The following RSPO3 variants were observed in gnomAD, a reference collection of about 807,000 sequenced individuals.
RSPO3 encodes the protein R-spondin 3.
In RSPO3, 17 loss-of-function variants were observed where a neutral mutation model predicts 36.5. The ratio of observed to expected loss-of-function variants is 0.47; its 90% confidence interval spans 0.32 to 0.70. The LOEUF is 0.70. RSPO3 is among the 30% of genes least tolerant of loss of function. The pLI is 0.04. For synonymous variants in RSPO3, 108 were observed against 107.0 expected (o/e 1.01, Z -0.06); for missense variants, 294 against 322.5 (o/e 0.91, Z 0.68).
At chr6:127,138,745 T>G (rs1774210363) in intron 1 of RSPO3, among the ~76,000 whole-genome samples, 1 of 152,182 alleles carries the variant, frequency 6.6e-6, no homozygotes, top group African/African-American at 2.4e-5. Context: ...GACTGGAAAT[T>G]CATTTACACA....
intron 4 of RSPO3, among the ~76,000 whole-genome samples, chr6:127,175,440 A>G (rs1251488657): frequency 2.0e-5 from 3 of 151,774 alleles, no homozygotes; most frequent in Non-Finnish European, 4.4e-5. Flanking sequence ...GTGGTGGCAT[A>G]TGGTTAATCT....
At chr6:127,147,577 T>C (rs1774413005) in intron 1 of RSPO3, among the ~76,000 whole-genome samples, 1 of 152,116 alleles carries the variant, frequency 6.6e-6, no homozygotes, top group Admixed American at 6.6e-5. Context: ...GAAACATCCG[T>C]TAGTCAGTAG....
At position 127,197,551 on chromosome 6, in the gene RSPO3, T is replaced by C. The variant is rs575565665; in HGVS notation, c.*1544T>C. 1,887 of 1,549,024 alleles carry C rather than the reference T, an allele frequency of 1.2e-3. 2 individuals are homozygous for C. The highest frequency in any genetic ancestry group is 1.6e-3 in the Non-Finnish European group (1,786 of 1,146,380). Reference sequence around the variant, plus strand: ...CGCATGACCCACCTTAACCTTCCTGTTGTCATGGAAGGATGCACGGCTGCT... The same window carrying C: ...CGCATGACCCACCTTAACCTTCCTGCTGTCATGGAAGGATGCACGGCTGCT... On this transcript the variant is annotated 3_prime_UTR_variant, in exon 5 of 5. Coordinates refer to ENST00000356698, the MANE Select transcript of RSPO3 (RefSeq NM_032784.5).
chr6:127,148,940 GATA>G, intron 2 of RSPO3, 101 bp downstream of exon 2: 1 of 923,090 alleles, frequency 1.1e-6, no homozygotes. Context: ...TTAAGTAAAT[GATA>G]ATGTTTATCT....
chr6:127,147,995 G>T (rs1174754304), intron 1 of RSPO3, among the ~76,000 whole-genome samples: 1 of 152,146 alleles, frequency 6.6e-6, no homozygotes, highest in Non-Finnish European at 1.5e-5. Context: ...GCTCGTGTGA[G>T]AAGAAATATT....
At chr6:127,184,219 AT>A (rs909703379) in intron 4 of RSPO3, among the ~76,000 whole-genome samples, 1 of 152,030 alleles carries the variant, frequency 6.6e-6, no homozygotes, top group Non-Finnish European at 1.5e-5. Context: ...TGTGAATTGC[AT>A]TTCCTTTTCA....
chr6:127,131,235 C>G (rs552347258), intron 1 of RSPO3, among the ~76,000 whole-genome samples: 1 of 152,158 alleles, frequency 6.6e-6, no homozygotes, highest in African/African-American at 2.4e-5. Flanking sequence ...CATTATGTGA[C>G]CATACCCCAA....
intron 4 of RSPO3, among the ~76,000 whole-genome samples, chr6:127,168,929 G>C (rs1282713174): frequency 1.3e-5 from 2 of 152,042 alleles, no homozygotes; most frequent in Non-Finnish European, 2.9e-5. Context: ...TATTATTTCT[G>C]AGGGCTCTGT....
chr6:127,172,286 A>T (rs1774954009), intron 4 of RSPO3, among the ~76,000 whole-genome samples: 2 of 151,030 alleles, frequency 1.3e-5, no homozygotes, highest in African/African-American at 4.8e-5. Flanking sequence ...TCTAAAACCA[A>T]ATTGTTTAAT....
intron 4 of RSPO3, among the ~76,000 whole-genome samples, chr6:127,173,837 G>A (rs1460826512): frequency 2.6e-5 from 4 of 151,862 alleles, no homozygotes; most frequent in Non-Finnish European, 4.4e-5. Context: ...CTGAAGGCAC[G>A]TGAGATTGAG....
rs540333190 is a variant in RSPO3 at position 127,171,915 on chromosome 6, A to G, written c.634+16477A>G. Among the ~76,000 whole-genome samples, 17 of 151,762 alleles carry G rather than the reference A, an allele frequency of 1.1e-4. No homozygotes were observed. In the South Asian group the frequency reaches 1.7e-3, roughly 15 times the overall value. On this transcript the variant is annotated intron_variant, in intron 4 of 4. Coordinates refer to ENST00000356698, the MANE Select transcript of RSPO3 (RefSeq NM_032784.5). ...AATTAATATTAATAAATGGCAGATG[A>G]CACATGTATATTGCTTAACTAAAAA... is the stretch of plus-strand genomic sequence containing the variant.
chr6:127,150,172 T>G (rs1774462494), intron 2 of RSPO3, among the ~76,000 whole-genome samples: 2 of 151,434 alleles, frequency 1.3e-5, no homozygotes. Flanking sequence ...TGGAGATATA[T>G]ATATATATAT....
At chr6:127,140,263 T>C (rs1774243769) in intron 1 of RSPO3, among the ~76,000 whole-genome samples, 2 of 152,052 alleles carry the variant, frequency 1.3e-5, no homozygotes, top group African/African-American at 4.8e-5. Context: ...AAGACTGTAA[T>C]TTTTTTGCTT....
rs1773777374 is a variant in RSPO3 at position 127,118,996 on chromosome 6, G to A, written c.-197G>A. 1 of 465,628 alleles carries A rather than the reference G, an allele frequency of 2.1e-6. No individual in the cohort carries two copies. The highest frequency in any genetic ancestry group is 3.8e-6 in the Non-Finnish European group (1 of 264,954). 28.8% of individuals were successfully genotyped at this position (465,628 alleles called of 1,614,324 possible). A position where few individuals can be genotyped will look rare whatever the true frequency, so the allele number is the denominator to read the frequency against. On this transcript the variant is annotated 5_prime_UTR_variant, in exon 1 of 5. Coordinates refer to ENST00000356698, the MANE Select transcript of RSPO3 (RefSeq NM_032784.5). ...AGTTCAGTGCTTGGATAATTTGAAA[G>A]TACAATAGTTGGTTTCCCTGTCCAC... is the stretch of plus-strand genomic sequence containing the variant.
intron 1 of RSPO3, among the ~76,000 whole-genome samples, chr6:127,133,134 T>C (rs1774089732): frequency 6.6e-6 from 1 of 152,148 alleles, no homozygotes; most frequent in African/African-American, 2.4e-5. Context: ...AAAAGTTCAA[T>C]GTAAATAATG....
intron 4 of RSPO3, among the ~76,000 whole-genome samples, chr6:127,169,122 T>C (rs1311479426): frequency 6.6e-6 from 1 of 151,924 alleles, no homozygotes; most frequent in Non-Finnish European, 1.5e-5. Context: ...ATCGCCACAC[T>C]TACTTCCACA....
chr6:127,176,684 T>A (rs1206117557), intron 4 of RSPO3, among the ~76,000 whole-genome samples: 1 of 151,792 alleles, frequency 6.6e-6, no homozygotes, highest in African/African-American at 2.4e-5. Context: ...ATCCAGGGTT[T>A]GAACAATGAA....
intron 3 of RSPO3, among the ~76,000 whole-genome samples, chr6:127,154,093 G>GA (rs925397117): frequency 3.3e-5 from 5 of 152,132 alleles, no homozygotes; most frequent in Admixed American, 2.6e-4. Context: ...AAAGTCCTGT[G>GA]AAAAATGTAT....
intron 1 of RSPO3, among the ~76,000 whole-genome samples, chr6:127,141,023 A>G (rs1353698673): frequency 6.6e-6 from 1 of 152,198 alleles, no homozygotes; most frequent in African/African-American, 2.4e-5. Context: ...TGCCTTAACA[A>G]CACTCATTAC....
Sources: allele counts gnomAD v4.1 joint callset (sites outside exome capture counted in the v4.1 genomes callset), GRCh38; gene constraint gnomAD v4.1.1; transcripts MANE v1.5; gene names NCBI Gene and HGNC (gene_info 2026-07-23, HGNC 2026-07-21).